The following INTS1 variants were observed in gnomAD, a reference collection of about 807,000 sequenced individuals.
The protein encoded by INTS1 is integrator complex subunit 1.
A neutral mutation model predicts 241.6 loss-of-function variants in INTS1; 137 were observed. The observed-to-expected ratio is 0.57, with a 90% CI of 0.49 to 0.65. INTS1 has a LOEUF of 0.65. INTS1 is among the 30% of genes least tolerant of loss of function. The pLI is 0.00. For missense variants in INTS1, 3,073 were observed against 3,032.2 expected (o/e 1.01, Z -0.32); for synonymous variants, 1,692 against 1,337.8 (o/e 1.26, Z -5.78).
Position 1,481,586 on chromosome 7 carries a change from A to C in INTS1, c.3704-98T>G, listed in dbSNP as rs1260761773. 4 of 1,327,296 alleles carry C rather than the reference A, an allele frequency of 3.0e-6. No homozygotes were observed. The highest frequency in any genetic ancestry group is 2.6e-5 in the Admixed American group (1 of 38,854). 82.2% of individuals were successfully genotyped at this position (1,327,296 alleles called of 1,614,324 possible). A position where few individuals can be genotyped will look rare whatever the true frequency, so the allele number is the denominator to read the frequency against. ...GGGGCTGCCTGTGTGCAGTGACCCC[A>C]CCCACCTGAGACCCTGGGCCACGTG... On this transcript the variant is annotated intron_variant, in intron 27 of 47. Coordinates refer to ENST00000404767, the MANE Select transcript of INTS1 (RefSeq NM_001080453.3). The surrounding 1 kb of genome is among the most constrained non-coding windows in gnomAD (Gnocchi z 6.8).
chr7:1,495,392 G>C (rs1452868289), intron 13 of INTS1, 41 bp downstream of exon 13: 4 of 1,581,860 alleles, frequency 2.5e-6, no homozygotes, highest in Non-Finnish European at 3.4e-6. Context: ...TCCCGGCTCA[G>C]TGGGGTGTGG....
chr7:1,483,683 G>A lies in INTS1; in HGVS notation c.3541+59C>T, dbSNP rs373965076. 3.2e-4 allele frequency: 434 copies of A among 1,355,388 alleles called. No individual in the cohort carries two copies. In the African/African-American group the frequency reaches 4.7e-3, roughly 15 times the overall value. 84.0% of individuals were successfully genotyped at this position (1,355,388 alleles called of 1,614,324 possible). On this transcript the variant is annotated intron_variant, in intron 26 of 47. Transcript: ENST00000404767. ...AAGGATGCGGAAGCCGCTGGGTGTG[G>A]TCAGGGCTGTGGCCCACCTGGCACG...
chr7:1,486,983 G>A lies in INTS1; in HGVS notation c.2765C>T (p.Ala922Val). 6.2e-7 allele frequency: 1 copy of A among 1,608,202 alleles called. No individual in the cohort carries two copies. Among genetic ancestry groups the A allele is most frequent in the East Asian group, 2.2e-5 (1 of 44,814 alleles). ...CTCGTCGTCCTCCTCCCCGGAAGCA[G>A]CATCGTCCACAGCATCGTGCAGCAG... is the stretch of plus-strand genomic sequence containing the variant. ...EFLLHDAVDD[A>V]ASGEEDDEGE... The change falls in exon 21 of 48, where the codon GCT becomes GTT. Residue 922 changes from alanine to valine, a missense_variant. Transcript: ENST00000404767.
In INTS1 at chr7:1,499,627, G is replaced by A. The variant is rs749277305; in HGVS notation, c.690C>T (p.Tyr230=). The A allele has an allele frequency of 5.6e-6, 9 of 1,601,202 alleles. No individual in the cohort carries two copies. The South Asian group carries it at 9.9e-5, about 18-fold the overall frequency. ...TCCGCTCCCCCAGGGAGTCCTCGAT[G>A]TACACCTGTGTGGCAGCCACACCCT... is the stretch of plus-strand genomic sequence containing the variant. ...ENWPEIFVKV[Y]IEDSLGERIW... Residue 230 remains tyrosine (Y), a synonymous_variant, in exon 6 of 48, where the codon TAC becomes TAT. Transcript: ENST00000404767.
chr7:1,487,185 A>G, intron 20 of INTS1, 84 bp from the exon 21 acceptor site: 1 of 1,513,904 alleles, frequency 6.6e-7, no homozygotes, highest in South Asian at 1.2e-5. Flanking sequence ...CGGAGCCGGA[A>G]AGGGCGACAC....
chr7:1,473,884 G>A (rs1233117488), intron 41 of INTS1, among the ~76,000 whole-genome samples, 191 bp from the exon 42 acceptor site: 1 of 152,244 alleles, frequency 6.6e-6, no homozygotes, highest in Non-Finnish European at 1.5e-5. Flanking sequence ...TGGCTGTCTG[G>A]GGCATGTGCC....
At position 1,493,160 on chromosome 7, in the gene INTS1, C is replaced by G. The variant is rs1030295012; in HGVS notation, c.2069-54G>C. 1.3e-6 allele frequency: 2 copies of G among 1,502,004 alleles called. No individual in the cohort carries two copies. Among genetic ancestry groups the G allele is most frequent in the African/African-American group, 2.8e-5 (2 of 72,424 alleles). 93.0% of individuals were successfully genotyped at this position (1,502,004 alleles called of 1,614,324 possible). A position where few individuals can be genotyped will look rare whatever the true frequency, so the allele number is the denominator to read the frequency against. On this transcript the variant is annotated intron_variant, in intron 15 of 47. Transcript: ENST00000404767. The surrounding 1 kb of genome is among the most constrained non-coding windows in gnomAD (Gnocchi z 5.3). ...GGGGCTGCTCACAGACCATCAGGCACAGGCAGCGAGGGAACCGGCCCTGCT... is the reference window on the plus strand; with the variant it reads ...GGGGCTGCTCACAGACCATCAGGCAGAGGCAGCGAGGGAACCGGCCCTGCT...
In INTS1 at chr7:1,479,555, T is replaced by C; in HGVS notation, c.4204A>G (p.Thr1402Ala). The part of the protein sequence containing the change: ...VQGSPEVPGI[T>A]VRVLQALATL... ...GCGAGGGCCTGCAGGACACGCACCGTGATGCCCGGCACCTCGGGGCTGCCC... is the reference window on the plus strand; with the variant it reads ...GCGAGGGCCTGCAGGACACGCACCGCGATGCCCGGCACCTCGGGGCTGCCC... Residue 1402 changes from threonine (T) to alanine (A), a missense_variant, in exon 31 of 48, where the codon ACG (threonine) becomes GCG (alanine). Thr to Ala is a moderately conservative substitution (Grantham distance 58, BLOSUM62 0). Coordinates refer to ENST00000404767, the MANE Select transcript of INTS1 (RefSeq NM_001080453.3). 6.4e-7 allele frequency: 1 copy of C among 1,553,772 alleles called. No homozygotes were observed. The highest frequency in any genetic ancestry group is 1.2e-5 in the South Asian group (1 of 84,300).
In INTS1 at chr7:1,474,848, G is replaced by A. The variant is rs1327366439; in HGVS notation, c.5503-10C>T. On this transcript the variant is annotated splice_polypyrimidine_tract_variant and intron_variant, in intron 39 of 47. Transcript: ENST00000404767. ...GGATGAGTCCGTCCAGCTGCAGGGA[G>A]GGGCGCTCTGAGGCCGGGGCCGCTG... 28 of 1,578,146 alleles carry A rather than the reference G, an allele frequency of 1.8e-5. No individual in the cohort carries two copies. The highest frequency in any genetic ancestry group is 2.3e-5 in the East Asian group (1 of 43,080).
chr7:1,503,081 G>A lies in INTS1; in HGVS notation c.169C>T (p.Arg57Cys). ...AACGCGGCCGCCGCATCCCGCTTGC[G>A]CTCAGAAGGCAGGCCGGAAGGGGCT... ...KPAPSGLPSERKRDAAAALSS... is the reference protein window; with the variant it reads ...KPAPSGLPSECKRDAAAALSS... Residue 57 changes from arginine (R) to cysteine (C), a missense_variant, in exon 3 of 48, where the codon CGC (arginine) becomes TGC (cysteine). Coordinates refer to ENST00000404767, the MANE Select transcript of INTS1 (RefSeq NM_001080453.3). 2.5e-6 allele frequency: 4 copies of A among 1,612,258 alleles called. No homozygotes were observed. Among genetic ancestry groups the A allele is most frequent in the Non-Finnish European group, 2.5e-6 (3 of 1,178,738 alleles).
chr7:1,500,142 C>A, intron 4 of INTS1, 28 bp downstream of exon 4: 1 of 1,579,012 alleles, frequency 6.3e-7, no homozygotes, highest in Non-Finnish European at 8.6e-7. Flanking sequence ...CAGCGCTGCT[C>A]GCCTCCTGCC....
At position 1,486,978 on chromosome 7, in the gene INTS1, AAGC is replaced by A; in HGVS notation, c.2767_2769del (p.Ala923del). 6.2e-7 allele frequency: 1 copy of A among 1,608,356 alleles called. No homozygotes were observed. The highest frequency in any genetic ancestry group is 2.2e-5 in the East Asian group (1 of 44,810). On this transcript the variant is annotated inframe_deletion, in exon 21 of 48. Transcript: ENST00000404767. ...TCGCCCTCGTCGTCCTCCTCCCCGG[AAGC>A]AGCATCGTCCACAGCATCGTGCAGC...
At position 1,482,622 on chromosome 7, in the gene INTS1, C is replaced by G. The variant is rs1157649357; in HGVS notation, c.3627G>C (p.Ser1209=). The G allele has an allele frequency of 1.9e-6, 3 of 1,612,770 alleles. No homozygotes were observed. Among genetic ancestry groups the G allele is most frequent in the African/African-American group, 2.7e-5 (2 of 74,960 alleles). ...PLPTAFLVDT[S]EEALLLPDWL... ...AGTCAGGAAGCAGCAGCGCCTCCTC[C>G]GATGTGTCCACCAGGAAGGCGGTGG... Residue 1209 remains serine (S), a synonymous_variant, in exon 27 of 48, where the codon TCG becomes TCC. Coordinates refer to ENST00000404767, the MANE Select transcript of INTS1 (RefSeq NM_001080453.3).
intron 32 of INTS1, 110 bp from the exon 33 acceptor site, chr7:1,478,616 C>T: frequency 6.7e-7 from 1 of 1,493,316 alleles, no homozygotes; most frequent in Non-Finnish European, 9.0e-7. Context: ...ACGCGGGTAC[C>T]CACCCCCCAA....
rs1482709219 is a variant in INTS1, at chr7:1,486,617, C to G, written c.2976+8G>C. The G allele has an allele frequency of 2.5e-6, 4 of 1,610,278 alleles. No individual in the cohort carries two copies. In the South Asian group the frequency reaches 4.4e-5, roughly 18 times the overall value. ...AGCGTGCGCAGAAAGACCCGCCCACCACCTCACCTTCATGGCCAGCACGCG... is the reference window on the plus strand; with the variant it reads ...AGCGTGCGCAGAAAGACCCGCCCACGACCTCACCTTCATGGCCAGCACGCG... On this transcript the variant is annotated splice_region_variant and intron_variant, in intron 22 of 47. Coordinates refer to ENST00000404767, the MANE Select transcript of INTS1 (RefSeq NM_001080453.3).
chr7:1,472,855 C>T lies in INTS1; in HGVS notation c.6070+217G>A, dbSNP rs551847109. Among the ~76,000 whole-genome samples the T allele has an allele frequency of 2.3e-3, 345 of 150,162 alleles. 2 individuals carry two copies. Among genetic ancestry groups the T allele is most frequent in the African/African-American group, 8.0e-3 (326 of 40,724 alleles). ...GGGAGGGCCATTTGCCGGGGCGGGG[C>T]GATGTGCCGGGGGGCAGGTGTGCTG... is the stretch of plus-strand genomic sequence containing the variant. On this transcript the variant is annotated intron_variant, in intron 43 of 47. Coordinates refer to ENST00000404767, the MANE Select transcript of INTS1 (RefSeq NM_001080453.3).
intron 31 of INTS1, 21 bp downstream of exon 31, chr7:1,479,409 A>C: frequency 6.4e-7 from 1 of 1,558,990 alleles, no homozygotes; most frequent in African/African-American, 1.4e-5. Context: ...CCTCCCCCGC[A>C]AGAGGCCCAC....
chr7:1,477,512 T>C, intron 35 of INTS1, 38 bp downstream of exon 35: 1 of 1,473,954 alleles, frequency 6.8e-7, no homozygotes, highest in Non-Finnish European at 9.0e-7. Context: ...GCCTTTACCC[T>C]GGGGTGGGTC....
chr7:1,488,913 G>C (rs923832674), intron 18 of INTS1, among the ~76,000 whole-genome samples: 2 of 152,350 alleles, frequency 1.3e-5, no homozygotes, highest in South Asian at 4.1e-4. Flanking sequence ...CTGATCCCAC[G>C]CAGGGTCACA....
Sources: gnomAD v4.1 joint callset for allele counts (sites outside exome capture counted in the v4.1 genomes callset) on GRCh38, gnomAD v4.1.1 for gene constraint, Gnocchi (gnomAD v3.1) non-coding constraint, MANE v1.5 for transcripts, NCBI Gene and HGNC (gene_info 2026-07-23, HGNC 2026-07-21) for gene names.